The following NCALD variants were observed in gnomAD, a reference collection of about 807,000 sequenced individuals.
The protein encoded by NCALD is neurocalcin delta.
NCALD carries 10 observed loss-of-function variants against 18.6 expected under a neutral mutation model. That is an observed-to-expected ratio of 0.54 (90% confidence interval 0.33 to 0.91). NCALD has a LOEUF of 0.91. Ranked by LOEUF, NCALD falls within the 40% of genes least tolerant of loss-of-function variation. NCALD has a pLI of 0.03. For synonymous variants in NCALD, 88 were observed against 87.4 expected, an observed-to-expected ratio of 1.01 and a Z score of -0.04; for missense variants, 184 against 247.6, an observed-to-expected ratio of 0.74 and a Z score of 1.72.
chr8:101,977,721 C>T (rs1339516311), intron 2 of NCALD, among the ~76,000 whole-genome samples: 7 of 152,200 alleles, frequency 4.6e-5, no homozygotes, highest in African/African-American at 1.4e-4. Flanking sequence ...CAGCTCTCAA[C>T]CAGACTCTGG....
intron 2 of NCALD, among the ~76,000 whole-genome samples, chr8:101,706,316 TTA>T: frequency 6.8e-6 from 1 of 146,602 alleles, no homozygotes. Flanking sequence ...GTAAGACTAT[TTA>T]AAAAAAAAAA....
chr8:102,117,584 C>T (rs1825826499), intron 1 of NCALD, among the ~76,000 whole-genome samples: 1 of 149,110 alleles, frequency 6.7e-6, no homozygotes, highest in Non-Finnish European at 1.5e-5. Flanking sequence ...AGCCAGGTGA[C>T]ACTGTCAACT....
chr8:101,803,910 T>C (rs1452290390), intron 4 of NCALD, among the ~76,000 whole-genome samples: 1 of 152,180 alleles, frequency 6.6e-6, no homozygotes, highest in African/African-American at 2.4e-5. Flanking sequence ...TATGGGTAAA[T>C]GCCATCAAAC....
At chr8:102,023,569 C>A (rs1029212973) in intron 1 of NCALD, among the ~76,000 whole-genome samples, 1 of 152,156 alleles carries the variant, frequency 6.6e-6, no homozygotes, top group Admixed American at 6.5e-5. Flanking sequence ...TTGACCTTGA[C>A]CAAATTGTGT....
chr8:101,802,871 G>A (rs962728836), intron 4 of NCALD, among the ~76,000 whole-genome samples: 11 of 96,548 alleles, frequency 1.1e-4, no homozygotes, highest in African/African-American at 4.1e-4. Context: ...TTGTTCTTTC[G>A]TTCTTTGCAA....
At chr8:102,005,892 AG>A (rs1259898823) in intron 2 of NCALD, among the ~76,000 whole-genome samples, 2 of 41,730 alleles carry the variant, frequency 4.8e-5, no homozygotes, top group Non-Finnish European at 9.2e-5. Context: ...GTGGGGGGGC[AG>A]GGGGGAGGGA....
chr8:101,839,957 G>A (rs1814573372), intron 4 of NCALD, among the ~76,000 whole-genome samples: 1 of 152,060 alleles, frequency 6.6e-6, no homozygotes. Flanking sequence ...AACCAATTGT[G>A]TCACCCCAGG....
chr8:101,751,154 C>A (rs966814597), intron 1 of NCALD, among the ~76,000 whole-genome samples: 2 of 152,138 alleles, frequency 1.3e-5, no homozygotes, highest in African/African-American at 4.8e-5. Context: ...GAATACTATC[C>A]AGCCTTAAAA....
At chr8:101,817,509 A>C (rs539072268) in intron 4 of NCALD, among the ~76,000 whole-genome samples, 3 of 152,140 alleles carry the variant, frequency 2.0e-5, no homozygotes, top group Non-Finnish European at 4.4e-5. Context: ...CTGACAGCAT[A>C]AATAATGCAG....
At chr8:101,736,828 A>G (rs1809940343) in intron 1 of NCALD, among the ~76,000 whole-genome samples, 1 of 152,226 alleles carries the variant, frequency 6.6e-6, no homozygotes, top group African/African-American at 2.4e-5. Flanking sequence ...TGTTGAGGGC[A>G]ACTTGTCACC....
upstream of NCALD, chr8:101,790,986 CCA>C (rs778622295): frequency 1.3e-5 from 2 of 152,254 alleles, no homozygotes; most frequent in Non-Finnish European, 2.9e-5. Context: ...GTGGACTCAG[CCA>C]CAGACTCTGC....
At chr8:102,034,845 T>C (rs1203681105) in intron 1 of NCALD, among the ~76,000 whole-genome samples, 2 of 152,194 alleles carry the variant, frequency 1.3e-5, no homozygotes, top group Non-Finnish European at 2.9e-5. Flanking sequence ...GGCCTAGGGC[T>C]AACCTCATAG....
At chr8:101,721,801 A>G (rs1251139532) in intron 1 of NCALD, among the ~76,000 whole-genome samples, 1 of 151,314 alleles carries the variant, frequency 6.6e-6, no homozygotes, top group Non-Finnish European at 1.5e-5. Context: ...CACTTCACCT[A>G]TGAGTATGGC....
intron 2 of NCALD, among the ~76,000 whole-genome samples, chr8:101,954,112 A>T (rs1210518681): frequency 2.0e-5 from 3 of 152,184 alleles, no homozygotes; most frequent in Non-Finnish European, 4.4e-5. Context: ...TGGGAGCTGC[A>T]TTTGAAGTGC....
At chr8:101,700,732 A>C (rs1316843184) in intron 2 of NCALD, among the ~76,000 whole-genome samples, 1 of 152,226 alleles carries the variant, frequency 6.6e-6, no homozygotes. Context: ...CACTCAACGG[A>C]AAGTCTTCCA....
chr8:101,715,039 C>T (rs976032355), intron 2 of NCALD, among the ~76,000 whole-genome samples: 3 of 151,338 alleles, frequency 2.0e-5, no homozygotes, highest in Non-Finnish European at 4.4e-5. Flanking sequence ...AGGCATCATG[C>T]TACCTGACTT....
chr8:101,905,773 T>C (rs891183366), intron 3 of NCALD, among the ~76,000 whole-genome samples: 1 of 152,184 alleles, frequency 6.6e-6, no homozygotes, highest in African/African-American at 2.4e-5. Context: ...CTCCAATTCT[T>C]TCCCTGTGGT....
intron 1 of NCALD, among the ~76,000 whole-genome samples, chr8:102,055,899 T>G (rs1823633717): frequency 6.6e-6 from 1 of 152,186 alleles, no homozygotes; most frequent in Non-Finnish European, 1.5e-5. Context: ...CTACTATAGA[T>G]CAAAACAGAG....
intron 4 of NCALD, among the ~76,000 whole-genome samples, chr8:101,804,340 T>TATATATAATTATATC (rs1563785776): frequency 1.1e-4 from 3 of 27,244 alleles, no homozygotes; most frequent in Non-Finnish European, 5.6e-4. Flanking sequence ...TTATATCAAT[T>TATATATAATTATATC]ATATATTATA....
Sources: allele counts gnomAD v4.1 joint callset (sites outside exome capture counted in the v4.1 genomes callset), GRCh38; gene constraint gnomAD v4.1.1; transcripts MANE v1.5; gene names NCBI Gene and HGNC (gene_info 2026-07-23, HGNC 2026-07-21).